The following ZNF521 variants were observed in gnomAD, a reference collection of about 807,000 sequenced individuals.
The protein encoded by ZNF521 is zinc finger protein 521, also known as LYST-interacting protein 3.
Under a neutral mutation model 105.5 loss-of-function variants are expected in ZNF521, and 14 were observed. The ratio of observed to expected loss-of-function variants is 0.13; its 90% CI spans 0.09 to 0.21. The LOEUF is 0.21. Ranked by LOEUF, ZNF521 falls within the 10% of genes least tolerant of loss-of-function variation. ZNF521 has a pLI of 1.00. For missense variants in ZNF521, 1,233 were observed against 1,629.7 expected (o/e 0.76, Z 4.19); for synonymous variants, 635 against 606.0 (o/e 1.05, Z -0.70).
chr18:25,106,826 A>C (rs1322326899), intron 5 of ZNF521, among the ~76,000 whole-genome samples: 1 of 152,140 alleles, frequency 6.6e-6, no homozygotes, highest in Non-Finnish European at 1.5e-5. Context: ...CCAGTTTTAT[A>C]ATCTGTCATC....
Position 25,186,028 on chromosome 18 carries a change from G to A in ZNF521, c.3658+9132C>T, listed in dbSNP as rs558056582. ...AATGTTTTTAGGTAAACATAACACT[G>A]TAAATTCAGGTTAATATGACTGAAA... is the stretch of plus-strand genomic sequence containing the variant. On this transcript the variant is annotated intron_variant, in intron 5 of 7. Transcript: ENST00000361524. Among the ~76,000 whole-genome samples the A allele has an allele frequency of 4.6e-5, 7 of 152,232 alleles. 1 individual carries two copies. In the South Asian group the frequency reaches 1.5e-3, roughly 32 times the overall value.
intron 4 of ZNF521, among the ~76,000 whole-genome samples, chr18:25,220,471 C>T (rs1344677102): frequency 6.6e-6 from 1 of 152,078 alleles, no homozygotes; most frequent in Non-Finnish European, 1.5e-5. Context: ...AAAGAGAATC[C>T]TGAACCTGGA....
At chr18:25,130,962 CA>C (rs1350225971) in intron 5 of ZNF521, among the ~76,000 whole-genome samples, 2 of 151,860 alleles carry the variant, frequency 1.3e-5, no homozygotes, top group African/African-American at 2.4e-5. Context: ...ATCAATCAAT[CA>C]ATCAATCAAT....
chr18:25,297,319 A>G (rs1911378974), intron 3 of ZNF521, among the ~76,000 whole-genome samples: 1 of 152,146 alleles, frequency 6.6e-6, no homozygotes, highest in Admixed American at 6.6e-5. Context: ...TTTTGCTAAC[A>G]GAGATGTTCT....
chr18:25,347,471 A>G (rs985865171), intron 2 of ZNF521, among the ~76,000 whole-genome samples: 2 of 152,190 alleles, frequency 1.3e-5, no homozygotes, highest in Non-Finnish European at 2.9e-5. Context: ...GCTTTTACAA[A>G]TAGAAAAGTG....
intron 4 of ZNF521, among the ~76,000 whole-genome samples, chr18:25,210,012 T>C (rs2036150784): frequency 6.6e-6 from 1 of 152,200 alleles, no homozygotes; most frequent in African/African-American, 2.4e-5. Flanking sequence ...GCTATAGTTC[T>C]AGCATTAGAT....
intron 3 of ZNF521, among the ~76,000 whole-genome samples, chr18:25,240,562 A>G (rs1388004699): frequency 6.6e-6 from 1 of 152,164 alleles, no homozygotes; most frequent in Admixed American, 6.5e-5. Flanking sequence ...CAACACAGAC[A>G]CTATTATTCA....
chr18:25,081,003 C>T (rs572469166), intron 7 of ZNF521, among the ~76,000 whole-genome samples: 1 of 152,204 alleles, frequency 6.6e-6, no homozygotes, highest in Non-Finnish European at 1.5e-5. Flanking sequence ...CACATGCAGT[C>T]TTTCCTTCCT....
intron 2 of ZNF521, among the ~76,000 whole-genome samples, chr18:25,338,478 T>G (rs975370371): frequency 6.6e-6 from 1 of 152,012 alleles, no homozygotes; most frequent in African/African-American, 2.4e-5. Context: ...AGTGGCGTGA[T>G]CTCGACTCAC....
intron 5 of ZNF521, among the ~76,000 whole-genome samples, chr18:25,131,776 A>T (rs576087329): frequency 6.6e-6 from 1 of 152,282 alleles, no homozygotes; most frequent in South Asian, 2.1e-4. Context: ...TTAATATTTT[A>T]ATAGTTCACA....
At chr18:25,156,274 C>G (rs1262260065) in intron 5 of ZNF521, among the ~76,000 whole-genome samples, 1 of 152,204 alleles carries the variant, frequency 6.6e-6, no homozygotes, top group Non-Finnish European at 1.5e-5. Flanking sequence ...TAATGCCACT[C>G]AATTAGAATG....
rs546097126 is a variant in ZNF521, at chr18:25,298,814, G to C, written c.220+23194C>G. Among the ~76,000 whole-genome samples, 76 of 152,302 alleles carry C rather than the reference G, an allele frequency of 5.0e-4. 1 individual carries two copies. The South Asian group carries it at 0.015, about 30-fold the overall frequency. On this transcript the variant is annotated intron_variant, in intron 3 of 7. Coordinates refer to ENST00000361524, the MANE Select transcript of ZNF521 (RefSeq NM_015461.3). ...GAAAATTGGAAGCAATTCACAGGTA[G>C]TAACTGTAACTAACACACCTATAGC...
At chr18:25,210,617 T>G (rs2060521160) in intron 4 of ZNF521, among the ~76,000 whole-genome samples, 1 of 152,192 alleles carries the variant, frequency 6.6e-6, no homozygotes, top group Non-Finnish European at 1.5e-5. Flanking sequence ...CCTGTACTAT[T>G]ATTTAGTTTT....
At chr18:25,084,007 C>CA (rs1741425231) in intron 7 of ZNF521, among the ~76,000 whole-genome samples, 2 of 127,342 alleles carry the variant, frequency 1.6e-5, no homozygotes, top group Admixed American at 1.0e-4. Context: ...TGGTCTCAAT[C>CA]TCTTGGGCTC....
At position 25,236,135 on chromosome 18, in the gene ZNF521, A is replaced by C. The variant is rs554151633; in HGVS notation, c.221-8438T>G. Among the ~76,000 whole-genome samples, 49 of 152,326 alleles carry C rather than the reference A, an allele frequency of 3.2e-4. No homozygotes were observed. The Middle Eastern group carries it at 0.017, about 53-fold the overall frequency. ...AGCCACTGAGATCGCTAGTGAGTAC[A>C]CCCAGCCAACCACCCAGCAGCTGCA... On this transcript the variant is annotated intron_variant, in intron 3 of 7. Coordinates refer to ENST00000361524, the MANE Select transcript of ZNF521 (RefSeq NM_015461.3).
intron 5 of ZNF521, among the ~76,000 whole-genome samples, chr18:25,167,646 C>A (rs755789216): frequency 6.6e-6 from 1 of 152,056 alleles, no homozygotes; most frequent in Non-Finnish European, 1.5e-5. Context: ...CAATTCATGC[C>A]AACACTGTTG....
At chr18:25,146,686 T>C (rs1046890589) in intron 5 of ZNF521, among the ~76,000 whole-genome samples, 2 of 152,066 alleles carry the variant, frequency 1.3e-5, no homozygotes, top group African/African-American at 4.8e-5. Flanking sequence ...TGCCATATCA[T>C]TGTTTAGTTC....
rs141887396 is a variant in ZNF521, at chr18:25,244,575, C to A, written c.221-16878G>T. 7.7e-4 allele frequency among the ~76,000 whole-genome samples: 117 copies of A among 152,304 alleles called. No homozygotes were observed. In the Middle Eastern group the frequency reaches 0.01, roughly 13 times the overall value. ...TCTGGAAGTGAATCCTGGGGAAATG[C>A]AAGTCTCATTTCCTTAATGAAAACT... On this transcript the variant is annotated intron_variant, in intron 3 of 7. Transcript: ENST00000361524.
At chr18:25,220,771 T>C (rs1477219617) in intron 4 of ZNF521, among the ~76,000 whole-genome samples, 1 of 152,106 alleles carries the variant, frequency 6.6e-6, no homozygotes. Context: ...AGAAGCACAC[T>C]AGAAAAAGGA....
Sources: gnomAD v4.1 joint callset for allele counts (sites outside exome capture counted in the v4.1 genomes callset) on GRCh38, gnomAD v4.1.1 for gene constraint, MANE v1.5 for transcripts, NCBI Gene and HGNC (gene_info 2026-07-23, HGNC 2026-07-21) for gene names.